PPARGC1A: variants seen among roughly 807,000 people sequenced by gnomAD.
PPARGC1A encodes the protein PPARG coactivator 1 alpha, also known as peroxisome proliferator-activated receptor gamma coactivator 1-alpha.
PPARGC1A carries 25 observed loss-of-function variants against 88.7 expected under a neutral mutation model. The observed-to-expected ratio is 0.28, with a 90% CI of 0.21 to 0.39. The LOEUF (loss-of-function observed/expected upper bound fraction) is 0.39. PPARGC1A is among the 10% of genes least tolerant of loss of function. PPARGC1A has a pLI of 1.00. For missense variants in PPARGC1A, 880 were observed against 968.7 expected (o/e 0.91, Z 1.22); for synonymous variants, 363 against 355.6 (o/e 1.02, Z -0.24).
chr4:23,917,203 A>G, the PPARGC1A span, among the ~76,000 whole-genome samples: 1 of 152,062 alleles, frequency 6.6e-6, no homozygotes, highest in Non-Finnish European at 1.5e-5. Flanking sequence ...TATTAGCTAA[A>G]CCCATGTTGA....
At chr4:23,828,239 G>T (rs3774907) in intron 5 of PPARGC1A, among the ~76,000 whole-genome samples, 161 bp downstream of exon 5, 1 of 152,056 alleles carries the variant, frequency 6.6e-6, no homozygotes, top group African/African-American at 2.4e-5. Context: ...CTGTGTCCAA[G>T]GAAAGGTTTC....
At chr4:24,403,821 C>CTCTT in the PPARGC1A span, among the ~76,000 whole-genome samples, 1 of 152,306 alleles carries the variant, frequency 6.6e-6, no homozygotes, top group African/African-American at 2.4e-5. Flanking sequence ...CTCTCTCTCT[C>CTCTT]TCTTTCTTAT....
the PPARGC1A span, among the ~76,000 whole-genome samples, chr4:24,323,699 C>T: frequency 6.6e-6 from 1 of 152,228 alleles, no homozygotes; most frequent in Non-Finnish European, 1.5e-5. Flanking sequence ...GTGGTCTCTT[C>T]ACACGGACGT....
At chr4:23,940,304 G>T in the PPARGC1A span, among the ~76,000 whole-genome samples, 1 of 152,108 alleles carries the variant, frequency 6.6e-6, no homozygotes, top group African/African-American at 2.4e-5. Flanking sequence ...TTATAACAGA[G>T]AACTGTGGAA....
At chr4:23,905,807 G>A (rs1719962269), upstream of PPARGC1A, among the ~76,000 whole-genome samples, 1 of 152,154 alleles carries the variant, frequency 6.6e-6, no homozygotes, top group African/African-American at 2.4e-5. Flanking sequence ...CTTCAAGACA[G>A]TCTTATTTGG....
At chr4:24,311,648 T>A in the PPARGC1A span, among the ~76,000 whole-genome samples, 2 of 151,608 alleles carry the variant, frequency 1.3e-5, no homozygotes, top group South Asian at 2.1e-4. Context: ...TCAAAAAAAA[T>A]AATAATAATT....
the PPARGC1A span, among the ~76,000 whole-genome samples, chr4:24,312,593 C>G: frequency 7.7e-6 from 1 of 130,252 alleles, no homozygotes; most frequent in Admixed American, 8.2e-5. Flanking sequence ...TATAGTCACC[C>G]TAAAAAATGT....
chr4:24,430,944 C>G, the PPARGC1A span, among the ~76,000 whole-genome samples: 16 of 151,862 alleles, frequency 1.1e-4, no homozygotes, highest in Middle Eastern at 6.8e-3. Flanking sequence ...ATGGTGAAAC[C>G]CTTTCTCTAC....
the PPARGC1A span, among the ~76,000 whole-genome samples, chr4:24,444,845 G>A: frequency 6.6e-6 from 1 of 152,158 alleles, no homozygotes; most frequent in Non-Finnish European, 1.5e-5. Context: ...CTTGAGCACA[G>A]GGGTTTGAGA....
the PPARGC1A span, among the ~76,000 whole-genome samples, chr4:24,150,012 A>G: frequency 2.0e-5 from 3 of 152,348 alleles, no homozygotes; most frequent in Non-Finnish European, 4.4e-5. Context: ...TACAGATCAT[A>G]GTAAATCAAT....
the PPARGC1A span, among the ~76,000 whole-genome samples, chr4:24,171,251 C>T: frequency 6.6e-6 from 1 of 151,976 alleles, no homozygotes; most frequent in South Asian, 2.1e-4. Context: ...ACTAAAAATA[C>T]AAAAAGTAGC....
the PPARGC1A span, among the ~76,000 whole-genome samples, chr4:23,971,954 CA>C: frequency 6.3e-4 from 95 of 151,884 alleles, no homozygotes; most frequent in African/African-American, 2.3e-3. Flanking sequence ...TTTTTTCCAG[CA>C]AACAGCCATT....
At chr4:24,192,847 A>T in the PPARGC1A span, among the ~76,000 whole-genome samples, 1 of 152,200 alleles carries the variant, frequency 6.6e-6, no homozygotes, top group Non-Finnish European at 1.5e-5. Flanking sequence ...AAAATATTAA[A>T]ATCTTAAGAT....
chr4:24,054,253 A>G, the PPARGC1A span, among the ~76,000 whole-genome samples: 8 of 149,246 alleles, frequency 5.4e-5, no homozygotes, highest in African/African-American at 2.0e-4. Context: ...TTTGCTACTG[A>G]GGAGAGGTGG....
At chr4:23,937,322 T>C in the PPARGC1A span, among the ~76,000 whole-genome samples, 2 of 152,068 alleles carry the variant, frequency 1.3e-5, no homozygotes, top group Admixed American at 6.6e-5. Flanking sequence ...CCCCATGCAA[T>C]GTGCAGATGC....
chr4:24,466,098 C>T, the PPARGC1A span, among the ~76,000 whole-genome samples: 1 of 152,112 alleles, frequency 6.6e-6, no homozygotes, highest in African/African-American at 2.4e-5. Context: ...TTAGAAGGCC[C>T]TGTCTATCTC....
chr4:23,857,437 C>T (rs999527942), intron 2 of PPARGC1A, among the ~76,000 whole-genome samples: 1 of 150,050 alleles, frequency 6.7e-6, no homozygotes, highest in Middle Eastern at 3.2e-3. Context: ...ATACATTTAT[C>T]TGCATATGCA....
chr4:24,447,445 T>C, the PPARGC1A span, among the ~76,000 whole-genome samples: 475 of 152,322 alleles, frequency 3.1e-3, 2 homozygotes, highest in Non-Finnish European at 5.6e-3. Flanking sequence ...GAAACAGGGC[T>C]GGCAGCCATT....
chr4:24,056,285 A>C, the PPARGC1A span, among the ~76,000 whole-genome samples: 1 of 152,216 alleles, frequency 6.6e-6, no homozygotes, highest in Non-Finnish European at 1.5e-5. Context: ...AGGCTGATAG[A>C]AAATAGCCAT....
Sources: allele counts gnomAD v4.1 joint callset (sites outside exome capture counted in the v4.1 genomes callset), GRCh38; gene constraint gnomAD v4.1.1; transcripts MANE v1.5; gene names NCBI Gene and HGNC (gene_info 2026-07-23, HGNC 2026-07-21).